The following MRTFB variants were observed in gnomAD, a reference collection of about 807,000 sequenced individuals.
MRTFB encodes the protein myocardin related transcription factor B.
A neutral mutation model predicts 104.2 loss-of-function variants in MRTFB; 29 were observed. The observed-to-expected ratio is 0.28, with a 90% confidence interval of 0.21 to 0.38. The LOEUF (loss-of-function observed/expected upper bound fraction) is 0.38. Ranked by LOEUF, MRTFB falls within the 10% of genes least tolerant of loss-of-function variation. The probability of loss-of-function intolerance (pLI) is 1.00; values close to 1 mark genes in which losing one functional copy is unlikely to be tolerated. For missense variants in MRTFB, 1,270 were observed against 1,341.6 expected, an observed-to-expected ratio of 0.95 and a Z score of 0.83; for synonymous variants, 535 against 519.5, an observed-to-expected ratio of 1.03 and a Z score of -0.41.
chr16:14,079,979 A>G (rs2034299359), intron 2 of MRTFB, among the ~76,000 whole-genome samples: 1 of 152,232 alleles, frequency 6.6e-6, no homozygotes, highest in Non-Finnish European at 1.5e-5. Flanking sequence ...TGTTTTGTAC[A>G]TCTCTGCGGG....
rs992725707 is a variant in MRTFB, at chr16:14,218,696, G to A, written c.515-124G>A. The A allele has an allele frequency of 5.4e-6, 5 of 918,144 alleles. No homozygotes were observed. In the African/African-American group the frequency reaches 8.4e-5, roughly 15 times the overall value. 56.9% of individuals were successfully genotyped at this position (918,144 alleles called of 1,614,324 possible). A position where few individuals can be genotyped will look rare whatever the true frequency, so the allele number is the denominator to read the frequency against. ...GTGTTCTTGCACTGGGAGGTACATT[G>A]TGTTCAATTTTTTTTTTAAGCAGCT... On this transcript the variant is annotated intron_variant, in intron 7 of 16. Transcript: ENST00000571589.
At chr16:14,019,635 C>T in the MRTFB span, among the ~76,000 whole-genome samples, 1 of 152,312 alleles carries the variant, frequency 6.6e-6, no homozygotes, top group Non-Finnish European at 1.5e-5. Flanking sequence ...ATTCAAGCTG[C>T]AGTGCAAGCT....
At chr16:14,140,309 TA>T (rs1308725889) in intron 2 of MRTFB, among the ~76,000 whole-genome samples, 1 of 152,222 alleles carries the variant, frequency 6.6e-6, no homozygotes, top group Non-Finnish European at 1.5e-5. Flanking sequence ...TCTGTGGTAT[TA>T]AAAAATATAC....
At chr16:14,244,115 TGATCTGCCC>T (rs1313850054) in intron 10 of MRTFB, among the ~76,000 whole-genome samples, 8 of 152,192 alleles carry the variant, frequency 5.3e-5, no homozygotes, top group Non-Finnish European at 7.3e-5. Context: ...CCTGACCTCA[TGATCTGCCC>T]GCTTCAGCCT....
chr16:14,096,620 C>T (rs543907313), intron 2 of MRTFB, among the ~76,000 whole-genome samples: 1 of 152,194 alleles, frequency 6.6e-6, no homozygotes, highest in East Asian at 1.9e-4. Flanking sequence ...AGATGTGGAC[C>T]TTTGGGTTTT....
intron 9 of MRTFB, 115 bp downstream of exon 9, chr16:14,234,398 A>G: frequency 8.0e-7 from 1 of 1,249,264 alleles, no homozygotes; most frequent in Non-Finnish European, 1.1e-6. Context: ...CTTTTAGCCC[A>G]AAGTCTTAAA....
intron 8 of MRTFB, among the ~76,000 whole-genome samples, chr16:14,227,637 G>C (rs553728181): frequency 2.8e-4 from 42 of 152,164 alleles, no homozygotes; most frequent in African/African-American, 9.9e-4. Context: ...TCAGCTTCCT[G>C]AGTAGCTGGG....
At chr16:14,227,712 A>G (rs770551395) in intron 8 of MRTFB, among the ~76,000 whole-genome samples, 2 of 152,098 alleles carry the variant, frequency 1.3e-5, no homozygotes, top group Non-Finnish European at 2.9e-5. Flanking sequence ...GGGTTTCACC[A>G]TGTTGGTCAG....
chr16:13,999,484 G>A, the MRTFB span, among the ~76,000 whole-genome samples: 3 of 147,100 alleles, frequency 2.0e-5, no homozygotes, highest in Non-Finnish European at 3.0e-5. Flanking sequence ...AGAAGACATC[G>A]TCTAGAGCCT....
rs75793787 is a variant in MRTFB, at chr16:14,261,510, T to C, written c.*66T>C. 0.014 allele frequency: 19,542 copies of C among 1,445,184 alleles called. 155 individuals carry two copies. The highest frequency in any genetic ancestry group is 0.016 in the Non-Finnish European group (17,431 of 1,068,256). 89.5% of individuals were successfully genotyped at this position (1,445,184 alleles called of 1,614,324 possible). On this transcript the variant is annotated 3_prime_UTR_variant, in exon 17 of 17. Transcript: ENST00000571589. ...ACATGAAGATTCTAAAAGGTCAGTT[T>C]TTAGAGATAGATCTATAGTTGCATT... is the stretch of plus-strand genomic sequence containing the variant.
chr16:14,189,357 C>T (rs2040076748), intron 3 of MRTFB, among the ~76,000 whole-genome samples: 1 of 152,128 alleles, frequency 6.6e-6, no homozygotes, highest in Admixed American at 6.5e-5. Context: ...GGACAAGCTC[C>T]TGGTTACTTT....
intron 8 of MRTFB, among the ~76,000 whole-genome samples, chr16:14,231,174 C>G (rs1330612617): frequency 1.3e-5 from 2 of 151,578 alleles, no homozygotes; most frequent in African/African-American, 4.9e-5. Flanking sequence ...AGGAGATACA[C>G]CTAATGCTAA....
chr16:13,996,729 G>T, the MRTFB span, among the ~76,000 whole-genome samples: 2 of 152,198 alleles, frequency 1.3e-5, no homozygotes, highest in Non-Finnish European at 2.9e-5. Flanking sequence ...TCTAAGAGAG[G>T]GATAGGCCTG....
the MRTFB span, among the ~76,000 whole-genome samples, chr16:14,003,481 T>C: frequency 6.6e-6 from 1 of 152,192 alleles, no homozygotes; most frequent in Admixed American, 6.6e-5. Context: ...GGCAGTTTGC[T>C]GCTCCCAGAG....
At chr16:14,194,856 A>G (rs559547963) in intron 3 of MRTFB, among the ~76,000 whole-genome samples, 2 of 152,132 alleles carry the variant, frequency 1.3e-5, no homozygotes, top group East Asian at 3.9e-4. Flanking sequence ...TGTTATGAGG[A>G]TTAGATGTGG....
intron 1 of MRTFB, among the ~76,000 whole-genome samples, chr16:14,072,217 A>G (rs1263729981): frequency 6.6e-6 from 1 of 152,230 alleles, no homozygotes; most frequent in Non-Finnish European, 1.5e-5. Flanking sequence ...CCTTTGCAGC[A>G]AACATGTATA....
chr16:14,187,443 A>T (rs1040655528), intron 3 of MRTFB, among the ~76,000 whole-genome samples: 4 of 152,000 alleles, frequency 2.6e-5, no homozygotes, highest in Admixed American at 2.6e-4. Flanking sequence ...TCATTTTTTC[A>T]GTTAAGATGC....
the MRTFB span, among the ~76,000 whole-genome samples, chr16:14,028,925 G>A: frequency 1.3e-5 from 2 of 152,264 alleles, no homozygotes; most frequent in African/African-American, 2.4e-5. Flanking sequence ...CCCCAGCATC[G>A]TGGATGGGTT....
the MRTFB span, among the ~76,000 whole-genome samples, chr16:14,041,166 AG>A: frequency 7.0e-6 from 1 of 143,148 alleles, no homozygotes; most frequent in Non-Finnish European, 1.5e-5. Context: ...CGGGGAGAGG[AG>A]GGGAGGGGAG....
Sources: allele counts gnomAD v4.1 joint callset (sites outside exome capture counted in the v4.1 genomes callset), GRCh38; gene constraint gnomAD v4.1.1; transcripts MANE v1.5; gene names NCBI Gene and HGNC (gene_info 2026-07-23, HGNC 2026-07-21).